The following MPP3 variants were observed in gnomAD, a reference collection of about 807,000 sequenced individuals.
MPP3 encodes the protein MAGUK p55 subfamily member 3.
Under a neutral mutation model 80.7 loss-of-function variants are expected in MPP3, and 48 were observed. The ratio of observed to expected loss-of-function variants is 0.59; its 90% CI spans 0.47 to 0.76. The LOEUF is 0.76. Ranked by LOEUF, MPP3 falls within the 30% of genes least tolerant of loss-of-function variation. The pLI is 0.00. For synonymous variants in MPP3, 311 were observed against 297.6 expected (o/e 1.04, Z -0.46); for missense variants, 620 against 763.0 (o/e 0.81, Z 2.21).
chr17:43,829,683 C>T lies in MPP3; in HGVS notation c.412G>A (p.Val138Ile), dbSNP rs199922655. Reference protein sequence around the residue: ...EDFDEESVKIVRLVKNKEPLG... With the variant: ...EDFDEESVKIIRLVKNKEPLG... ...GGTTCCTTGTTCTTCACCAAGCGGACGATCTTCACCGATTCCTCATCAAAA... is the reference window on the plus strand; with the variant it reads ...GGTTCCTTGTTCTTCACCAAGCGGATGATCTTCACCGATTCCTCATCAAAA... Residue 138 changes from valine (V) to isoleucine (I), a missense_variant, in exon 7 of 20, where the codon GTC (valine) becomes ATC (isoleucine). Coordinates refer to ENST00000398389, the MANE Select transcript of MPP3 (RefSeq NM_001932.6). 9.0e-5 allele frequency: 146 copies of T among 1,613,994 alleles called. No homozygotes were observed. Among genetic ancestry groups the T allele is most frequent in the African/African-American group, 4.0e-5 (3 of 74,980 alleles).
intron 8 of MPP3, among the ~76,000 whole-genome samples, 184 bp from the exon 9 acceptor site, chr17:43,826,025 G>T (rs1342297146): frequency 2.0e-5 from 3 of 152,252 alleles, no homozygotes; most frequent in African/African-American, 7.2e-5. Context: ...CACTCGGCAT[G>T]CAGGGCTCAA....
At chr17:43,824,359 G>A (rs959985726) in intron 9 of MPP3, among the ~76,000 whole-genome samples, 26 of 152,068 alleles carry the variant, frequency 1.7e-4, no homozygotes, top group African/African-American at 5.3e-4. Flanking sequence ...TGACCGCTAC[G>A]GCCCCAGAGG....
At position 43,814,372 on chromosome 17, in the gene MPP3, G is replaced by GGGGCA. The variant is rs1382141403; in HGVS notation, c.1010-16_1010-12dup. Reference sequence around the variant, plus strand: ...TCCTCCGAAGACCAGCTTGGGAGGAGGGGCAGAGGGACACCATGGCATTTG... The same window carrying GGGGCA: ...TCCTCCGAAGACCAGCTTGGGAGGAGGGGCAGGGCAGAGGGACACCATGGCATTTG... On this transcript the variant is annotated splice_polypyrimidine_tract_variant and intron_variant, in intron 14 of 19. Transcript: ENST00000398389. 6.3e-7 allele frequency: 1 copy of GGGGCA among 1,588,820 alleles called. No homozygotes were observed. The highest frequency in any genetic ancestry group is 1.7e-5 in the Admixed American group (1 of 57,778).
In MPP3 at chr17:43,814,005, T is replaced by C. The variant is rs1598335959; in HGVS notation, c.1255+6A>G. On this transcript the variant is annotated splice_donor_region_variant and intron_variant, in intron 16 of 19. Coordinates refer to ENST00000398389, the MANE Select transcript of MPP3 (RefSeq NM_001932.6). The stretch of plus-strand genomic sequence containing the variant: ...CAAACACACACTCCCACATGGGCCC[T>C]CTTACGTGGAACAGCGACGCCAAAG... 2 of 1,609,136 alleles carry C rather than the reference T, an allele frequency of 1.2e-6. No homozygotes were observed. Among genetic ancestry groups the C allele is most frequent in the Non-Finnish European group, 1.7e-6 (2 of 1,176,864 alleles).
chr17:43,819,416 G>A (rs1267793063), intron 11 of MPP3, among the ~76,000 whole-genome samples: 6 of 152,242 alleles, frequency 3.9e-5, no homozygotes, highest in Non-Finnish European at 8.8e-5. Context: ...CAACCTAATC[G>A]AAGTGCAGCC....
intron 2 of MPP3, chr17:43,832,349 G>GC: frequency 4.5e-6 from 1 of 224,574 alleles, no homozygotes; most frequent in Non-Finnish European, 8.7e-6. Context: ...TCCGCAGCGC[G>GC]CCCCCTCCAC....
At chr17:43,806,259 A>T (rs2044609534) in intron 19 of MPP3, among the ~76,000 whole-genome samples, 1 of 152,096 alleles carries the variant, frequency 6.6e-6, no homozygotes, top group South Asian at 2.1e-4. Context: ...TCTGCCTCCC[A>T]GGTTCAAGTG....
At chr17:43,806,467 C>A (rs1336521306) in intron 19 of MPP3, among the ~76,000 whole-genome samples, 1 of 151,716 alleles carries the variant, frequency 6.6e-6, no homozygotes. Context: ...CTCCCGGCCC[C>A]AACATATGGC....
At position 43,801,549 on chromosome 17, in the gene MPP3, A is replaced by T. The variant is rs569854066; in HGVS notation, c.*152T>A. On this transcript the variant is annotated 3_prime_UTR_variant, in exon 20 of 20. Transcript: ENST00000398389. ...AAAACAACAGACAAAAACCAACAACAAACAAGACTTCCCACTTATACTCTT... is the reference window on the plus strand; with the variant it reads ...AAAACAACAGACAAAAACCAACAACTAACAAGACTTCCCACTTATACTCTT... 2 of 700,444 alleles carry T rather than the reference A, an allele frequency of 2.9e-6. No individual in the cohort carries two copies. Among genetic ancestry groups the T allele is most frequent in the African/African-American group, 3.7e-5 (2 of 54,616 alleles). The allele number at this position is 700,444 out of a possible 1,614,324, so 43.4% of individuals were successfully genotyped here. A position where few individuals can be genotyped will look rare whatever the true frequency, so the allele number is the denominator to read the frequency against.
chr17:43,830,036 C>T lies in MPP3; in HGVS notation c.294G>A (p.Pro98=), dbSNP rs1312010521. 14 of 1,598,474 alleles carry T rather than the reference C, an allele frequency of 8.8e-6. No homozygotes were observed. The highest frequency in any genetic ancestry group is 4.0e-5 in the African/African-American group (3 of 74,404). ...ERELLQLLST[P]HLRAVLMVHD... is the part of the protein sequence containing the mutation. ...GGCTCTGTGTGACTACCCTCAGGTGCGGGGTGGACAGCAGCTGGAGCAGCT... is the reference window on the plus strand; with the variant it reads ...GGCTCTGTGTGACTACCCTCAGGTGTGGGGTGGACAGCAGCTGGAGCAGCT... The change falls in exon 6 of 20, where the codon CCG becomes CCA. Residue 98 remains proline (P), a synonymous_variant. Transcript: ENST00000398389.
intron 12 of MPP3, 56 bp from the exon 13 acceptor site, chr17:43,816,753 C>T: frequency 1.3e-6 from 2 of 1,547,122 alleles, no homozygotes; most frequent in Non-Finnish European, 1.8e-6. Flanking sequence ...AGCGGGGACC[C>T]TGCGGCTGAG....
chr17:43,828,859 G>C (rs946644575), intron 7 of MPP3, among the ~76,000 whole-genome samples: 2 of 152,192 alleles, frequency 1.3e-5, no homozygotes, highest in Non-Finnish European at 2.9e-5. Context: ...CTGGATAGGA[G>C]GGCTCACAAT....
intron 19 of MPP3, among the ~76,000 whole-genome samples, chr17:43,808,713 G>T (rs1003770867): frequency 1.3e-5 from 2 of 152,244 alleles, no homozygotes; most frequent in African/African-American, 4.8e-5. Flanking sequence ...GAGTGGAGGG[G>T]CGTGAGCCCA....
At position 43,820,869 on chromosome 17, in the gene MPP3, G is replaced by A; in HGVS notation, c.874C>T (p.Gln292Ter). 6.2e-7 allele frequency: 1 copy of A among 1,614,098 alleles called. No individual in the cohort carries two copies. The highest frequency in any genetic ancestry group is 1.1e-5 in the South Asian group (1 of 91,064). Residue 292 changes from glutamine (Q) to a stop codon, truncating the protein, a stop_gained, in exon 11 of 20, where the codon CAG (glutamine) becomes TAG (stop). Transcript: ENST00000398389. LOFTEE classifies it high-confidence loss of function. ...RAGLIPSKGF[Q>*]ERRLSYRRAA... ...AACATACCCCAGACCCACCTCTCCTGGAACCCCTTGGAGGGGATGAGGCCG... is the reference window on the plus strand; with the variant it reads ...AACATACCCCAGACCCACCTCTCCTAGAACCCCTTGGAGGGGATGAGGCCG...
At chr17:43,832,013 A>AGTAGATG in intron 2 of MPP3, 70 bp from the exon 3 acceptor site, 1 of 957,774 alleles carries the variant, frequency 1.0e-6, no homozygotes, top group Non-Finnish European at 1.7e-6. Flanking sequence ...CTGACTACAC[A>AGTAGATG]TCTACTGTGT....
At chr17:43,832,710 G>A (rs1309238887) in intron 2 of MPP3, 51 bp downstream of exon 2, 1 of 152,608 alleles carries the variant, frequency 6.6e-6, no homozygotes, top group Non-Finnish European at 1.5e-5. Flanking sequence ...AGCGGCCCCG[G>A]GCCCTCCAGC....
intron 7 of MPP3, among the ~76,000 whole-genome samples, chr17:43,828,358 G>A (rs1175295914): frequency 6.6e-6 from 1 of 152,190 alleles, no homozygotes; most frequent in African/African-American, 2.4e-5. Context: ...TGACACTTAG[G>A]ATGAGAAAGG....
chr17:43,831,324 G>A lies in MPP3; in HGVS notation c.145-3C>T, dbSNP rs369161932. The A allele has an allele frequency of 3.1e-6, 5 of 1,613,696 alleles. No homozygotes were observed. In the African/African-American group the frequency reaches 4.0e-5, roughly 13 times the overall value. The stretch of plus-strand genomic sequence containing the variant: ...TAATAGCGAAGCTTCTCATGAATCT[G>A]CAAAGACAGAGTATTTCAGATGCAC... On this transcript the variant is annotated splice_polypyrimidine_tract_variant and splice_region_variant and intron_variant, in intron 4 of 19. Coordinates refer to ENST00000398389, the MANE Select transcript of MPP3 (RefSeq NM_001932.6).
In MPP3 at chr17:43,831,331, CAG is replaced by C; in HGVS notation, c.145-12_145-11del. On this transcript the variant is annotated splice_polypyrimidine_tract_variant and intron_variant, in intron 4 of 19. Transcript: ENST00000398389. ...GAAGCTTCTCATGAATCTGCAAAGACAGAGTATTTCAGATGCACCCTGGACAC... is the reference window on the plus strand; with the variant it reads ...GAAGCTTCTCATGAATCTGCAAAGACAGTATTTCAGATGCACCCTGGACAC... The C allele has an allele frequency of 6.2e-7, 1 of 1,613,336 alleles. No homozygotes were observed. Among genetic ancestry groups the C allele is most frequent in the Middle Eastern group, 1.6e-4 (1 of 6,062 alleles).
Sources: allele counts gnomAD v4.1 joint callset (sites outside exome capture counted in the v4.1 genomes callset), GRCh38; gene constraint gnomAD v4.1.1; transcripts MANE v1.5; gene names NCBI Gene and HGNC (gene_info 2026-07-23, HGNC 2026-07-21).